Variants in RAB3GAP1 observed in about 807,000 individuals in gnomAD.
RAB3GAP1 encodes the protein RAB3 GTPase activating protein catalytic subunit 1, also known as rab3 GTPase-activating protein catalytic subunit.
In RAB3GAP1, 86 loss-of-function variants were observed where a neutral mutation model predicts 130.7. The ratio of observed to expected loss-of-function variants is 0.66; its 90% CI spans 0.55 to 0.79. The LOEUF (loss-of-function observed/expected upper bound fraction) is 0.79, where lower values mean the gene tolerates loss of function less well. RAB3GAP1 is among the 30% of genes least tolerant of loss of function. The pLI is 0.00. For synonymous variants in RAB3GAP1, 367 were observed against 401.7 expected, an observed-to-expected ratio of 0.91 and a Z score of 1.03; for missense variants, 1,029 against 1,169.4, an observed-to-expected ratio of 0.88 and a Z score of 1.75.
intron 23 of RAB3GAP1, among the ~76,000 whole-genome samples, chr2:135,166,726 T>C (rs1692664581): frequency 1.3e-5 from 2 of 152,292 alleles, no homozygotes; most frequent in Admixed American, 6.5e-5. Context: ...TATATACATA[T>C]GTATATATAA....
chr2:135,084,853 TC>T (rs1689930411), intron 3 of RAB3GAP1, among the ~76,000 whole-genome samples: 1 of 152,192 alleles, frequency 6.6e-6, no homozygotes, highest in South Asian at 2.1e-4. Context: ...GAATAAGGTA[TC>T]GTTCTTGTAT....
rs148181212 is a variant in RAB3GAP1 at position 135,079,748 on chromosome 2, A to T, written c.151-11250A>T. ...GTCCTTAGTCATGTCCACTTACCCTACTGGTAAATGAGATGGTAAATCATT... is the reference window on the plus strand; with the variant it reads ...GTCCTTAGTCATGTCCACTTACCCTTCTGGTAAATGAGATGGTAAATCATT... On this transcript the variant is annotated intron_variant, in intron 3 of 23. Coordinates refer to ENST00000264158, the MANE Select transcript of RAB3GAP1 (RefSeq NM_012233.3). Among the ~76,000 whole-genome samples the T allele has an allele frequency of 7.9e-5, 12 of 152,334 alleles. No individual in the cohort carries two copies. The East Asian group carries it at 2.1e-3, about 27-fold the overall frequency.
At chr2:135,157,266 G>A (rs1692337529) in intron 19 of RAB3GAP1, among the ~76,000 whole-genome samples, 2 of 152,120 alleles carry the variant, frequency 1.3e-5, no homozygotes, top group Non-Finnish European at 2.9e-5. Flanking sequence ...CAATTCTCCT[G>A]CCTCATCTTC....
intron 5 of RAB3GAP1, among the ~76,000 whole-genome samples, chr2:135,110,170 G>T (rs139742573): frequency 1.5e-4 from 23 of 150,308 alleles, no homozygotes; most frequent in African/African-American, 5.6e-4. Flanking sequence ...GTTTCACTCT[G>T]CTTCCCAGGC....
rs762540512 is a variant in RAB3GAP1, at chr2:135,164,613, G to C, written c.2626G>C (p.Glu876Gln). The C allele has an allele frequency of 2.5e-6, 4 of 1,612,830 alleles. No homozygotes were observed. Among genetic ancestry groups the C allele is most frequent in the Admixed American group, 3.3e-5 (2 of 59,972 alleles). The change falls in exon 23 of 24, where the codon GAG becomes CAG. Residue 876 changes from glutamate to glutamine, a missense_variant. By Grantham distance (29) the Glu-to-Gln change is conservative. Around this residue, in one of 3 missense-constraint regions of RAB3GAP1, gnomAD observed 146 missense variants for 143.7 expected, o/e 1.02. Transcript: ENST00000264158. ...DLERFVSCLLEQPEVLVTGAG... is the reference protein window; with the variant it reads ...DLERFVSCLLQQPEVLVTGAG... ...TCCTAGGTTTGTGAGTTGCCTGCTG[G>C]AGCAGCCTGAAGTGTTAGTCACCGG...
intron 5 of RAB3GAP1, among the ~76,000 whole-genome samples, chr2:135,107,069 A>G (rs1033489662): frequency 1.4e-4 from 21 of 147,962 alleles, no homozygotes; most frequent in Admixed American, 6.7e-5. Context: ...GCCAGAGGGC[A>G]GTGCAATGAC....
chr2:135,100,721 G>A (rs1690426126), intron 5 of RAB3GAP1, among the ~76,000 whole-genome samples: 1 of 152,184 alleles, frequency 6.6e-6, no homozygotes, highest in Admixed American at 6.5e-5. Flanking sequence ...AACATTTACT[G>A]TGATCCAGAT....
intron 6 of RAB3GAP1, 95 bp from the exon 7 acceptor site, chr2:135,115,121 A>C: frequency 8.0e-7 from 1 of 1,249,012 alleles, no homozygotes; most frequent in South Asian, 1.4e-5. Flanking sequence ...AGTGCTTTCA[A>C]ATTCTTGAGA....
chr2:135,053,009 G>A (rs1439349916), intron 2 of RAB3GAP1, among the ~76,000 whole-genome samples: 1 of 151,994 alleles, frequency 6.6e-6, no homozygotes, highest in Non-Finnish European at 1.5e-5. Context: ...TTTATTTTTG[G>A]AGACAGAGTC....
intron 6 of RAB3GAP1, among the ~76,000 whole-genome samples, chr2:135,113,576 G>T (rs1433297152): frequency 6.6e-6 from 1 of 152,108 alleles, no homozygotes; most frequent in Non-Finnish European, 1.5e-5. Context: ...ATCAGAGCAT[G>T]CACAAATGAA....
intron 5 of RAB3GAP1, among the ~76,000 whole-genome samples, chr2:135,112,834 T>TCTCACACACA (rs952841554): frequency 3.3e-4 from 44 of 132,468 alleles, no homozygotes; most frequent in Middle Eastern, 3.7e-3. Flanking sequence ...TCTCTCTCTC[T>TCTCACACACA]CACACACACA....
intron 3 of RAB3GAP1, among the ~76,000 whole-genome samples, chr2:135,059,983 A>G (rs1425508196): frequency 6.6e-6 from 1 of 152,210 alleles, no homozygotes; most frequent in Non-Finnish European, 1.5e-5. Flanking sequence ...TATGAAGGAC[A>G]GTGATTATTA....
chr2:135,117,444 T>G (rs113183621), intron 7 of RAB3GAP1, among the ~76,000 whole-genome samples: 10 of 107,680 alleles, frequency 9.3e-5, no homozygotes, highest in African/African-American at 2.3e-4. Context: ...TTCTTCTTCT[T>G]CTTCTTCTTC....
intron 23 of RAB3GAP1, among the ~76,000 whole-genome samples, chr2:135,167,457 A>C (rs1198641966): frequency 6.6e-6 from 1 of 151,844 alleles, no homozygotes; most frequent in Non-Finnish European, 1.5e-5. Context: ...AAATGACATC[A>C]TATGTCACCT....
At chr2:135,053,862 A>T (rs1306094182) in intron 2 of RAB3GAP1, among the ~76,000 whole-genome samples, 1 of 152,188 alleles carries the variant, frequency 6.6e-6, no homozygotes, top group Non-Finnish European at 1.5e-5. Context: ...GATATTGTGG[A>T]CTACAATAGT....
intron 7 of RAB3GAP1, among the ~76,000 whole-genome samples, chr2:135,115,711 C>T (rs1343255194): frequency 6.6e-6 from 1 of 152,138 alleles, no homozygotes; most frequent in Non-Finnish European, 1.5e-5. Flanking sequence ...GCTCAGGTAG[C>T]TGCTTGTTTG....
intron 2 of RAB3GAP1, among the ~76,000 whole-genome samples, chr2:135,056,343 C>T (rs1057102172): frequency 6.6e-5 from 10 of 152,062 alleles, no homozygotes; most frequent in African/African-American, 2.2e-4. Context: ...GCTGGGATTA[C>T]AGGTGCCTGC....
rs1268801609 is a variant in RAB3GAP1, at chr2:135,117,799, CTTCTTCTTCT to C, written c.648+2440_648+2449del. 5.4e-3 allele frequency among the ~76,000 whole-genome samples: 822 copies of C among 151,186 alleles called. 9 individuals are homozygous for C. Among genetic ancestry groups the C allele is most frequent in the African/African-American group, 0.018 (752 of 40,748 alleles). On this transcript the variant is annotated intron_variant, in intron 7 of 23. Coordinates refer to ENST00000264158, the MANE Select transcript of RAB3GAP1 (RefSeq NM_012233.3). The stretch of plus-strand genomic sequence containing the variant: ...TCTGCTTCTTCTGCTTCTTCTTCTT[CTTCTTCTTCT>C]TTCTTCTTCTTTCTTCTTCTTCTTT...
At chr2:135,110,570 A>G (rs1690774471) in intron 5 of RAB3GAP1, among the ~76,000 whole-genome samples, 2 of 152,206 alleles carry the variant, frequency 1.3e-5, no homozygotes, top group South Asian at 2.1e-4. Context: ...ATAAATGGCA[A>G]TTCAGTTTGG....
Sources: allele counts gnomAD v4.1 joint callset (sites outside exome capture counted in the v4.1 genomes callset), GRCh38; gene constraint gnomAD v4.1.1; regional missense constraint gnomAD v4.1.1; transcripts MANE v1.5; gene names NCBI Gene and HGNC (gene_info 2026-07-23, HGNC 2026-07-21).